The following TRIM44 variants were observed in gnomAD, a reference collection of about 807,000 sequenced individuals.
TRIM44 encodes the protein tripartite motif-containing protein 44.
In TRIM44, 13 loss-of-function variants were observed where a neutral mutation model predicts 37.4. The ratio of observed to expected loss-of-function variants is 0.35; its 90% CI spans 0.23 to 0.55. TRIM44 has a LOEUF of 0.55. Ranked by LOEUF, TRIM44 falls within the 20% of genes least tolerant of loss-of-function variation. TRIM44 has a pLI of 0.89. For synonymous variants in TRIM44, 175 were observed against 157.2 expected, an observed-to-expected ratio of 1.11 and a Z score of -0.85; for missense variants, 426 against 437.2, an observed-to-expected ratio of 0.97 and a Z score of 0.23.
chr11:35,742,627 TTTATATATAATTATATTAATTGTA>T (rs1348079745), intron 4 of TRIM44, among the ~76,000 whole-genome samples: 28 of 130,200 alleles, frequency 2.2e-4, no homozygotes, highest in South Asian at 1.1e-3. Context: ...TTAATTGTAT[TTTATATATAATTATATTAATTGTA>T]TTATATATAA....
intron 4 of TRIM44, among the ~76,000 whole-genome samples, chr11:35,791,818 C>T (rs1007970252): frequency 1.3e-5 from 2 of 152,150 alleles, no homozygotes; most frequent in African/African-American, 2.4e-5. Context: ...CTTTGCTATA[C>T]TGTGAGCTCC....
chr11:35,690,753 A>AGCCCAATTAG (rs1851628969), intron 2 of TRIM44, among the ~76,000 whole-genome samples: 1 of 152,250 alleles, frequency 6.6e-6, no homozygotes, highest in Admixed American at 6.5e-5. Flanking sequence ...GGAACCTGGC[A>AGCCCAATTAG]CATAGTAATT....
At chr11:35,670,416 A>G (rs1851380917) in intron 1 of TRIM44, among the ~76,000 whole-genome samples, 1 of 152,224 alleles carries the variant, frequency 6.6e-6, no homozygotes, top group Non-Finnish European at 1.5e-5. Flanking sequence ...TCTTGATAGT[A>G]TTAAGTAGTG....
chr11:35,703,291 A>G (rs1851821552), intron 2 of TRIM44, among the ~76,000 whole-genome samples: 1 of 152,246 alleles, frequency 6.6e-6, no homozygotes, highest in African/African-American at 2.4e-5. Context: ...CAGCTCAAGG[A>G]GGCCTGCCTG....
At chr11:35,756,746 T>G (rs545459676) in intron 4 of TRIM44, among the ~76,000 whole-genome samples, 3 of 152,352 alleles carry the variant, frequency 2.0e-5, no homozygotes, top group East Asian at 3.9e-4. Flanking sequence ...AGGCCTTTTC[T>G]GCATCTATTG....
rs904879593 is a variant in TRIM44, at chr11:35,757,732, C to A, written c.1007+22287C>A. ...CTCATTGGTTTCAAAGAACATCTTT[C>A]TTTCTGCTTTCATTTCGTTATGTAC... On this transcript the variant is annotated intron_variant, in intron 4 of 4. Coordinates refer to ENST00000299413, the MANE Select transcript of TRIM44 (RefSeq NM_017583.6). 5.3e-5 allele frequency among the ~76,000 whole-genome samples: 8 copies of A among 152,208 alleles called. No individual in the cohort carries two copies. The East Asian group carries it at 5.8e-4, about 11-fold the overall frequency.
intron 1 of TRIM44, among the ~76,000 whole-genome samples, chr11:35,674,975 A>T (rs1051621091): frequency 6.6e-6 from 1 of 152,240 alleles, no homozygotes; most frequent in African/African-American, 2.4e-5. Flanking sequence ...CTAGGTAGAT[A>T]CAGGCTTTGA....
At chr11:35,738,566 C>T (rs1337752655) in intron 4 of TRIM44, among the ~76,000 whole-genome samples, 2 of 152,142 alleles carry the variant, frequency 1.3e-5, no homozygotes, top group Non-Finnish European at 2.9e-5. Flanking sequence ...TGGTTCAATT[C>T]ACTTTATTTG....
intron 2 of TRIM44, among the ~76,000 whole-genome samples, chr11:35,699,859 A>G (rs1305785773): frequency 6.6e-6 from 1 of 152,162 alleles, no homozygotes; most frequent in Non-Finnish European, 1.5e-5. Flanking sequence ...ATTGCTTCAA[A>G]GAGACTAAAA....
intron 2 of TRIM44, among the ~76,000 whole-genome samples, chr11:35,699,948 G>T (rs986463374): frequency 6.6e-6 from 1 of 152,108 alleles, no homozygotes; most frequent in Non-Finnish European, 1.5e-5. Flanking sequence ...TGAAATAAAA[G>T]AGGATACAAA....
intron 2 of TRIM44, among the ~76,000 whole-genome samples, chr11:35,714,138 T>G (rs7109528): frequency 0.057 from 8,685 of 152,096 alleles, 826 homozygotes; most frequent in African/African-American, 0.2. Context: ...CCTCTTTTCT[T>G]TAGGAAAGCT....
chr11:35,685,863 C>T (rs1473620258), intron 2 of TRIM44, among the ~76,000 whole-genome samples: 1 of 152,150 alleles, frequency 6.6e-6, no homozygotes, highest in Non-Finnish European at 1.5e-5. Context: ...GGGGTTTCAC[C>T]ATGTTGGTCA....
intron 4 of TRIM44, among the ~76,000 whole-genome samples, chr11:35,758,343 A>G (rs1423034956): frequency 3.3e-5 from 5 of 151,614 alleles, no homozygotes; most frequent in Admixed American, 6.6e-5. Flanking sequence ...TTTGTTTTCC[A>G]TTTGCTTAGT....
rs183381237 is a variant in TRIM44, at chr11:35,703,405, C to T, written c.747+18069C>T. Among the ~76,000 whole-genome samples, 281 of 152,306 alleles carry T rather than the reference C, an allele frequency of 1.8e-3. 2 individuals carry two copies. The highest frequency in any genetic ancestry group is 6.5e-3 in the African/African-American group (270 of 41,576). ...CTGTCTTTGACAGCTTTGAAGAGAG[C>T]AGTGGTTCTCTCAGCATGCAGCTGG... is the stretch of plus-strand genomic sequence containing the variant. On this transcript the variant is annotated intron_variant, in intron 2 of 4. Coordinates refer to ENST00000299413, the MANE Select transcript of TRIM44 (RefSeq NM_017583.6).
intron 4 of TRIM44, among the ~76,000 whole-genome samples, chr11:35,797,732 C>T (rs1009300161): frequency 7.9e-5 from 12 of 152,154 alleles, no homozygotes; most frequent in Admixed American, 2.0e-4. Flanking sequence ...TCCTCACCAT[C>T]ACAAACAAGA....
intron 2 of TRIM44, among the ~76,000 whole-genome samples, chr11:35,713,052 T>C (rs1724148940): frequency 6.6e-6 from 1 of 152,220 alleles, no homozygotes; most frequent in South Asian, 2.1e-4. Context: ...CAGATCTATA[T>C]GTAGATGCTT....
At chr11:35,669,497 C>T (rs1018569283) in intron 1 of TRIM44, among the ~76,000 whole-genome samples, 19 of 145,078 alleles carry the variant, frequency 1.3e-4, no homozygotes, top group East Asian at 2.0e-4. Flanking sequence ...TATTTAGAGA[C>T]GAAGTTTCAC....
chr11:35,787,480 G>A (rs1219773880), intron 4 of TRIM44, among the ~76,000 whole-genome samples: 2 of 152,116 alleles, frequency 1.3e-5, no homozygotes. Context: ...CTGTGACCTG[G>A]GGGCCTAGAA....
At position 35,663,458 on chromosome 11, in the gene TRIM44, A is replaced by G; in HGVS notation, c.347A>G (p.Glu116Gly). ...GAGGAAGAGAGCGAGACAGAGGAAG[A>G]GAGTGAGGATGAGAGCGATGAGGAG... ...ESEEESETEE[E>G]SEDESDEESE... Residue 116 changes from glutamate to glycine, a missense_variant, in exon 1 of 5, where the codon GAG becomes GGG. Glu to Gly is a moderately conservative substitution (Grantham distance 98, BLOSUM62 -2). This residue lies in a region of TRIM44 where 331 missense variants were observed against 303.0 expected (regional missense o/e 1.09). Coordinates refer to ENST00000299413, the MANE Select transcript of TRIM44 (RefSeq NM_017583.6). 1 of 1,565,778 alleles carries G rather than the reference A, an allele frequency of 6.4e-7. No homozygotes were observed. Among genetic ancestry groups the G allele is most frequent in the Non-Finnish European group, 8.7e-7 (1 of 1,154,722 alleles).
Sources: allele counts gnomAD v4.1 joint callset (sites outside exome capture counted in the v4.1 genomes callset), GRCh38; gene constraint gnomAD v4.1.1; regional missense constraint gnomAD v4.1.1; transcripts MANE v1.5; gene names NCBI Gene and HGNC (gene_info 2026-07-23, HGNC 2026-07-21).